The following CNTNAP2 variants were observed in gnomAD, a reference collection of about 807,000 sequenced individuals.
The protein encoded by CNTNAP2 is contactin associated protein 2, also known as contactin-associated protein-like 2.
CNTNAP2 carries 98 observed loss-of-function variants against 155.2 expected under a neutral mutation model. The ratio of observed to expected loss-of-function variants is 0.63; its 90% confidence interval spans 0.54 to 0.75. The LOEUF (loss-of-function observed/expected upper bound fraction) is 0.75, where lower values mean the gene tolerates loss of function less well. Ranked by LOEUF, CNTNAP2 falls within the 30% of genes least tolerant of loss-of-function variation. The pLI is 0.00. For synonymous variants in CNTNAP2, 651 were observed against 631.2 expected, an observed-to-expected ratio of 1.03 and a Z score of -0.47; for missense variants, 1,727 against 1,688.1, an observed-to-expected ratio of 1.02 and a Z score of -0.40.
intron 1 of CNTNAP2, among the ~76,000 whole-genome samples, chr7:146,484,902 T>G (rs796424102): frequency 1.6e-4 from 24 of 152,268 alleles, no homozygotes; most frequent in African/African-American, 5.5e-4. Context: ...ATTTTCTGTT[T>G]TCTTTACTCT....
Position 147,347,695 on chromosome 7 carries a change from G to A in CNTNAP2, c.1498+47405G>A, listed in dbSNP as rs376241871. ...CTGAAAAAAATTCTAAAATGTGTGT[G>A]GGATCACAAAAATCCCAGAGTAGCC... On this transcript the variant is annotated intron_variant, in intron 9 of 23. Coordinates refer to ENST00000361727, the MANE Select transcript of CNTNAP2 (RefSeq NM_014141.6). 4.6e-5 allele frequency among the ~76,000 whole-genome samples: 7 copies of A among 151,784 alleles called. No homozygotes were observed. In the East Asian group the frequency reaches 1.2e-3, roughly 25 times the overall value.
intron 9 of CNTNAP2, among the ~76,000 whole-genome samples, chr7:147,350,591 A>T (rs1161025334): frequency 6.6e-6 from 1 of 151,806 alleles, no homozygotes; most frequent in Non-Finnish European, 1.5e-5. Flanking sequence ...CGTGTGACTT[A>T]GGCTGTTTTT....
intron 8 of CNTNAP2, among the ~76,000 whole-genome samples, chr7:147,191,673 A>G (rs549754485): frequency 1.3e-5 from 2 of 152,306 alleles, no homozygotes; most frequent in Non-Finnish European, 2.9e-5. Flanking sequence ...GGAAAGAACA[A>G]TACGGTTAAG....
intron 15 of CNTNAP2, among the ~76,000 whole-genome samples, chr7:148,034,928 T>C (rs1802544923): frequency 6.6e-6 from 1 of 152,138 alleles, no homozygotes; most frequent in Non-Finnish European, 1.5e-5. Context: ...GAAACTGGAG[T>C]AAAGGCCATT....
At chr7:147,067,340 A>C (rs1293016745) in intron 4 of CNTNAP2, among the ~76,000 whole-genome samples, 4 of 146,214 alleles carry the variant, frequency 2.7e-5, no homozygotes, top group African/African-American at 1.0e-4. Flanking sequence ...TAAGGCCTCC[A>C]CCCTCATGAC....
chr7:147,120,780 C>G (rs1801093575), intron 5 of CNTNAP2, among the ~76,000 whole-genome samples, 199 bp from the exon 6 acceptor site: 1 of 151,838 alleles, frequency 6.6e-6, no homozygotes. Context: ...TATCCCTCCC[C>G]CCTACCCCCA....
At chr7:147,587,022 C>A (rs6963584) in intron 12 of CNTNAP2, among the ~76,000 whole-genome samples, 7 of 152,088 alleles carry the variant, frequency 4.6e-5, no homozygotes, top group Non-Finnish European at 7.4e-5. Flanking sequence ...TACTGGCAAC[C>A]TAACAAACCA....
chr7:147,038,069 C>T (rs1799190400), intron 3 of CNTNAP2, among the ~76,000 whole-genome samples: 1 of 152,180 alleles, frequency 6.6e-6, no homozygotes, highest in Non-Finnish European at 1.5e-5. Context: ...GTGGGAGGAT[C>T]GTTTGATCAC....
At chr7:147,162,249 A>G (rs955374683) in intron 8 of CNTNAP2, 2 of 152,206 alleles carry the variant, frequency 1.3e-5, no homozygotes, top group African/African-American at 4.8e-5. Context: ...ATGTGACTCC[A>G]TATATCACTG....
intron 21 of CNTNAP2, among the ~76,000 whole-genome samples, chr7:148,328,423 A>G (rs988148286): frequency 1.3e-5 from 2 of 152,104 alleles, no homozygotes; most frequent in Non-Finnish European, 2.9e-5. Flanking sequence ...AGCTTCCTGG[A>G]ATGTCTGCTG....
chr7:146,407,735 G>A (rs558404705), intron 1 of CNTNAP2, among the ~76,000 whole-genome samples: 1 of 152,028 alleles, frequency 6.6e-6, no homozygotes, highest in Admixed American at 6.5e-5. Flanking sequence ...TGAACAACCT[G>A]GCTATGAACT....
intron 15 of CNTNAP2, among the ~76,000 whole-genome samples, chr7:148,021,648 G>C (rs545098591): frequency 1.3e-5 from 2 of 152,184 alleles, no homozygotes; most frequent in Non-Finnish European, 2.9e-5. Context: ...TCCAGTCCCC[G>C]GTGAGCTGGA....
At chr7:147,024,425 C>T (rs954689125) in intron 3 of CNTNAP2, among the ~76,000 whole-genome samples, 2 of 151,938 alleles carry the variant, frequency 1.3e-5, no homozygotes, top group African/African-American at 2.4e-5. Context: ...ATGATTGTAC[C>T]GTATCGTGTA....
intron 1 of CNTNAP2, among the ~76,000 whole-genome samples, chr7:146,223,668 A>G (rs2539746): frequency 0.7 from 106,616 of 152,094 alleles, 38,186 homozygotes; most frequent in East Asian, 0.94. Flanking sequence ...AGGTAGAAAT[A>G]TAGGACAAAT....
At chr7:146,617,091 C>T (rs1222132891) in intron 1 of CNTNAP2, among the ~76,000 whole-genome samples, 5 of 152,214 alleles carry the variant, frequency 3.3e-5, no homozygotes, top group African/African-American at 1.2e-4. Flanking sequence ...GCGATCTCCG[C>T]TCGCTGCAAG....
At chr7:147,310,551 CA>C (rs1260949424) in intron 9 of CNTNAP2, among the ~76,000 whole-genome samples, 2 of 152,040 alleles carry the variant, frequency 1.3e-5, no homozygotes. Context: ...AACTACTGGC[CA>C]AATTTTTAAA....
chr7:147,784,997 T>A (rs1797718319), intron 13 of CNTNAP2, among the ~76,000 whole-genome samples: 1 of 152,122 alleles, frequency 6.6e-6, no homozygotes, highest in Admixed American at 6.5e-5. Flanking sequence ...TACAGACCAG[T>A]TTTGTGGAGA....
intron 10 of CNTNAP2, among the ~76,000 whole-genome samples, chr7:147,472,984 G>T (rs1798252130): frequency 1.3e-5 from 2 of 152,220 alleles, no homozygotes; most frequent in African/African-American, 2.4e-5. Context: ...AAAGCTAAGG[G>T]CTGAGCCCTA....
chr7:146,951,509 A>T (rs1797312704), intron 3 of CNTNAP2, among the ~76,000 whole-genome samples: 1 of 152,184 alleles, frequency 6.6e-6, no homozygotes, highest in African/African-American at 2.4e-5. Context: ...GGTTTTCTGC[A>T]TATGGCTAGC....
Sources: allele counts gnomAD v4.1 joint callset (sites outside exome capture counted in the v4.1 genomes callset), GRCh38; gene constraint gnomAD v4.1.1; transcripts MANE v1.5; gene names NCBI Gene and HGNC (gene_info 2026-07-23, HGNC 2026-07-21).